The following SLTM variants were observed in gnomAD, a reference collection of about 807,000 sequenced individuals.
The protein encoded by SLTM is SAFB like transcription modulator, also known as SAFB-like transcription modulator.
SLTM carries 43 observed loss-of-function variants against 134.6 expected under a neutral mutation model. That is an observed-to-expected ratio of 0.32 (90% confidence interval 0.25 to 0.41). The LOEUF (loss-of-function observed/expected upper bound fraction) is 0.41, where lower values mean the gene tolerates loss of function less well. Ranked by LOEUF, SLTM falls within the 10% of genes least tolerant of loss-of-function variation. The probability of loss-of-function intolerance (pLI) is 1.00; values close to 1 mark genes in which losing one functional copy is unlikely to be tolerated. For synonymous variants in SLTM, 424 were observed against 432.3 expected (o/e 0.98, Z 0.24); for missense variants, 1,055 against 1,288.8 (o/e 0.82, Z 2.78).
intron 20 of SLTM, among the ~76,000 whole-genome samples, chr15:58,882,639 C>T (rs2033833856): frequency 6.6e-6 from 1 of 152,152 alleles, no homozygotes; most frequent in South Asian, 2.1e-4. Context: ...AAACCAGATA[C>T]AATGAATGTT....
intron 14 of SLTM, among the ~76,000 whole-genome samples, 196 bp from the exon 15 acceptor site, chr15:58,890,657 AGACT>A (rs2034577896): frequency 6.6e-6 from 1 of 152,246 alleles, no homozygotes; most frequent in South Asian, 2.1e-4. Context: ...TCTATAAATA[AGACT>A]GTCAACTGAG....
rs548415648 is a variant in SLTM at position 58,891,293 on chromosome 15, G to A, written c.1899-832C>T. ...GATGCATGGAATAGTGAGGATAGTC[G>A]TACACAACAAGAACCATCCAACACC... On this transcript the variant is annotated intron_variant, in intron 14 of 20. Transcript: ENST00000380516. Among the ~76,000 whole-genome samples, 9 of 152,194 alleles carry A rather than the reference G, an allele frequency of 5.9e-5. No individual in the cohort carries two copies. In the South Asian group the frequency reaches 6.2e-4, roughly 11 times the overall value.
In SLTM at chr15:58,912,586, C is replaced by T; in HGVS notation, c.538G>A (p.Asp180Asn). ...ACTTGGGCTGTTAGAAAGGTATCATCTTCACCTTCTTGAGCTTCAATTTCC... is the reference window on the plus strand; with the variant it reads ...ACTTGGGCTGTTAGAAAGGTATCATTTTCACCTTCTTGAGCTTCAATTTCC... ...SQEIEAQEGE[D>N]DTFLTAQDGE... The change falls in exon 5 of 21, where the codon GAT (aspartate) becomes AAT (asparagine). Residue 180 changes from aspartate (D) to asparagine (N), a missense_variant. By Grantham distance (23) the Asp-to-Asn change is conservative. Coordinates refer to ENST00000380516, the MANE Select transcript of SLTM (RefSeq NM_024755.4). 6.2e-7 allele frequency: 1 copy of T among 1,610,690 alleles called. No homozygotes were observed. Among genetic ancestry groups the T allele is most frequent in the Non-Finnish European group, 8.5e-7 (1 of 1,178,114 alleles).
chr15:58,884,331 G>GT (rs1457032716), intron 19 of SLTM, among the ~76,000 whole-genome samples: 2 of 151,976 alleles, frequency 1.3e-5, no homozygotes, highest in Admixed American at 6.6e-5. Flanking sequence ...TTGTTGTTTT[G>GT]TTTTTTGAGA....
chr15:58,908,058 C>CT, intron 5 of SLTM, among the ~76,000 whole-genome samples: 1 of 80,038 alleles, frequency 1.2e-5, no homozygotes, highest in Non-Finnish European at 3.2e-5. Flanking sequence ...ATTTCTTTTT[C>CT]TTTCTTTTTT....
chr15:58,913,132 T>C (rs2141124745), intron 4 of SLTM, among the ~76,000 whole-genome samples: 1 of 152,296 alleles, frequency 6.6e-6, no homozygotes, highest in Middle Eastern at 3.4e-3. Context: ...AATTGGTACA[T>C]TCATTCATCG....
intron 20 of SLTM, among the ~76,000 whole-genome samples, chr15:58,881,377 A>T (rs2033696116): frequency 6.6e-6 from 1 of 151,820 alleles, no homozygotes; most frequent in African/African-American, 2.4e-5. Context: ...AATACAAAAA[A>T]ATCAGCTGAA....
intron 20 of SLTM, among the ~76,000 whole-genome samples, chr15:58,880,641 G>A (rs571851589): frequency 6.6e-6 from 1 of 152,296 alleles, no homozygotes; most frequent in African/African-American, 2.4e-5. Context: ...CACTGCAGCA[G>A]CCTTGACTTC....
intron 4 of SLTM, 58 bp downstream of exon 4, chr15:58,913,438 CTTT>C (rs1415573115): frequency 5.1e-6 from 7 of 1,364,778 alleles, no homozygotes; most frequent in African/African-American, 1.5e-5. Context: ...GAAAAAAATA[CTTT>C]TTATTATTTA....
chr15:58,906,907 A>G (rs2035902692), intron 5 of SLTM, among the ~76,000 whole-genome samples: 1 of 152,158 alleles, frequency 6.6e-6, no homozygotes, highest in African/African-American at 2.4e-5. Flanking sequence ...AACATTTCCT[A>G]GTGTGGAGTT....
intron 14 of SLTM, among the ~76,000 whole-genome samples, chr15:58,890,858 A>G (rs1430660030): frequency 1.3e-5 from 2 of 152,242 alleles, no homozygotes; most frequent in Non-Finnish European, 2.9e-5. Context: ...TATATATTCT[A>G]TTGTATCTCC....
chr15:58,890,195 A>G, intron 15 of SLTM, 86 bp downstream of exon 15: 1 of 1,495,542 alleles, frequency 6.7e-7, no homozygotes, highest in Non-Finnish European at 9.1e-7. Flanking sequence ...TAGACGCTTT[A>G]CAACAAGTAA....
chr15:58,887,567 G>A (rs185871752), intron 17 of SLTM, 27 bp from the exon 18 acceptor site: 49 of 1,577,886 alleles, frequency 3.1e-5, no homozygotes, highest in Non-Finnish European at 1.2e-5. Context: ...AAGAATATAG[G>A]TCCAAGAAGT....
chr15:58,910,904 C>G (rs192372096), intron 5 of SLTM, among the ~76,000 whole-genome samples: 13 of 152,110 alleles, frequency 8.5e-5, no homozygotes, highest in Admixed American at 4.6e-4. Flanking sequence ...AACACTAGGC[C>G]TGGCTAATTT....
intron 4 of SLTM, among the ~76,000 whole-genome samples, chr15:58,913,292 C>T (rs1259628320): frequency 1.3e-5 from 2 of 152,068 alleles, no homozygotes; most frequent in Non-Finnish European, 2.9e-5. Context: ...TACTCTATAA[C>T]AACTATGTAT....
intron 14 of SLTM, among the ~76,000 whole-genome samples, chr15:58,891,046 A>G (rs564878751): frequency 6.6e-6 from 1 of 152,298 alleles, no homozygotes; most frequent in Non-Finnish European, 1.5e-5. Context: ...TGTTCACTGA[A>G]CTGAATTGTT....
At chr15:58,908,618 C>T (rs1254819551) in intron 5 of SLTM, among the ~76,000 whole-genome samples, 1 of 152,056 alleles carries the variant, frequency 6.6e-6, no homozygotes, top group African/African-American at 2.4e-5. Flanking sequence ...ATCCTTTCAT[C>T]TCAACCTTCC....
Position 58,879,863 on chromosome 15 carries a change from C to T in SLTM, c.*136G>A. 9.5e-7 allele frequency: 1 copy of T among 1,048,062 alleles called. No homozygotes were observed. Among genetic ancestry groups the T allele is most frequent in the Admixed American group, 3.2e-5 (1 of 31,540 alleles). 64.9% of individuals were successfully genotyped at this position (1,048,062 alleles called of 1,614,324 possible). A position where few individuals can be genotyped will look rare whatever the true frequency, so the allele number is the denominator to read the frequency against. ...ACATCTTCTCCAAAATTGAGAAAAG[C>T]AATCATGTTAAATTTTTAAAAAGAA... On this transcript the variant is annotated 3_prime_UTR_variant, in exon 21 of 21. Transcript: ENST00000380516.
intron 2 of SLTM, chr15:58,932,015 A>T (rs1309970928): frequency 5.7e-6 from 1 of 176,824 alleles, no homozygotes; most frequent in Admixed American, 5.7e-5. Context: ...TAGGAATTCC[A>T]TCAAAACTCT....
Sources: allele counts gnomAD v4.1 joint callset (sites outside exome capture counted in the v4.1 genomes callset), GRCh38; gene constraint gnomAD v4.1.1; transcripts MANE v1.5; gene names NCBI Gene and HGNC (gene_info 2026-07-23, HGNC 2026-07-21).